The following WDR64 variants were observed in gnomAD, a reference collection of about 807,000 sequenced individuals.
WDR64 encodes WD repeat domain 64.
Under a neutral mutation model 139.3 loss-of-function variants are expected in WDR64, and 112 were observed. The observed-to-expected ratio is 0.80, with a 90% CI of 0.69 to 0.94. The LOEUF (loss-of-function observed/expected upper bound fraction) is 0.94. Ranked by LOEUF, WDR64 falls within the 40% of genes least tolerant of loss-of-function variation. WDR64 has a pLI of 0.00. For synonymous variants in WDR64, 444 were observed against 437.7 expected (o/e 1.01, Z -0.18); for missense variants, 1,206 against 1,293.1 (o/e 0.93, Z 1.03).
At chr1:241,708,703 TG>T (rs752834585) in intron 8 of WDR64, among the ~76,000 whole-genome samples, 47,133 of 99,344 alleles carry the variant, frequency 0.47, 12,920 homozygotes, top group African/African-American at 0.54. Context: ...TTTTTTTTTT[TG>T]TTTTTTTGTT....
chr1:241,655,105 C>T (rs1322929343), intron 1 of WDR64, among the ~76,000 whole-genome samples: 2 of 152,206 alleles, frequency 1.3e-5, no homozygotes, highest in African/African-American at 2.4e-5. Context: ...GTCTTCTTGG[C>T]CAGGCGCGGT....
intron 2 of WDR64, among the ~76,000 whole-genome samples, chr1:241,662,287 T>C (rs1343647992): frequency 6.6e-6 from 1 of 152,182 alleles, no homozygotes; most frequent in Non-Finnish European, 1.5e-5. Flanking sequence ...ATCATAAAGC[T>C]GCAATCAAGG....
chr1:241,785,897 G>T (rs1659017847), intron 23 of WDR64, among the ~76,000 whole-genome samples: 1 of 152,210 alleles, frequency 6.6e-6, no homozygotes, highest in Admixed American at 6.5e-5. Flanking sequence ...CTAAGGTTCT[G>T]TATCTGAGGC....
chr1:241,746,686 C>T (rs1327210884), intron 13 of WDR64, among the ~76,000 whole-genome samples: 1 of 151,378 alleles, frequency 6.6e-6, no homozygotes, highest in East Asian at 1.9e-4. Flanking sequence ...ATATTTGCAT[C>T]AGTTTGAATG....
intron 24 of WDR64, 53 bp from the exon 25 acceptor site, chr1:241,790,538 G>T: frequency 7.0e-7 from 1 of 1,432,030 alleles, no homozygotes; most frequent in Non-Finnish European, 9.6e-7. Context: ...TTGTTTAGTT[G>T]GCAGAGAATA....
chr1:241,676,090 T>C lies in WDR64; in HGVS notation c.483+1343T>C, dbSNP rs1457180283. 5 of 152,206 alleles carry C rather than the reference T, an allele frequency of 3.3e-5. No individual in the cohort carries two copies. The East Asian group carries it at 9.6e-4, about 29-fold the overall frequency. The allele number at this position is 152,206 out of a possible 1,614,324, so 9.4% of individuals were successfully genotyped here. ...TTTATCATAATTTTCAGTTCTTCAG[T>C]AATCTCCAGCTCAGGAAATCTTTCA... On this transcript the variant is annotated intron_variant, in intron 4 of 27. Transcript: ENST00000437684.
chr1:241,790,790 T>C (rs187596750), intron 25 of WDR64, 94 bp downstream of exon 25: 45 of 906,560 alleles, frequency 5.0e-5, no homozygotes, highest in African/African-American at 4.1e-4. Flanking sequence ...TAATATAACA[T>C]ATTAATTTTT....
intron 26 of WDR64, 59 bp from the exon 27 acceptor site, chr1:241,796,198 T>A: frequency 1.6e-6 from 2 of 1,272,022 alleles, no homozygotes; most frequent in South Asian, 2.8e-5. Flanking sequence ...AACTCCTGAA[T>A]TCATATTACA....
intron 1 of WDR64, among the ~76,000 whole-genome samples, chr1:241,658,284 G>GGTGTGTGTGTGTGTGTGTGTGT (rs56011225): frequency 6.8e-6 from 1 of 147,164 alleles, no homozygotes. Context: ...TTCAAGCAAT[G>GGTGTGTGTGTGTGTGTGTGTGT]GTGTGTGTGT....
intron 13 of WDR64, 68 bp downstream of exon 13, chr1:241,744,584 T>G (rs879289027): frequency 6.3e-7 from 1 of 1,597,598 alleles, no homozygotes; most frequent in Non-Finnish European, 8.5e-7. Flanking sequence ...AAAAACTCTT[T>G]CGTTCTTTAG....
At position 241,656,176 on chromosome 1, in the gene WDR64, C is replaced by A. The variant is rs78496213; in HGVS notation, c.145+3547C>A. On this transcript the variant is annotated intron_variant, in intron 1 of 27. Transcript: ENST00000437684. This position sits in a 1 kb window ranked among gnomAD's most constrained non-coding sequence, Gnocchi z 4.3. ...AAGAGTGAGGAGAAGGCAGAAATGT[C>A]ATCTTCACTTTTGTCAGGCTGTTAA... Among the ~76,000 whole-genome samples, 7,510 of 152,264 alleles carry A rather than the reference C, an allele frequency of 0.049. 205 individuals carry two copies. The highest frequency in any genetic ancestry group is 0.1 in the South Asian group (488 of 4,822).
intron 1 of WDR64, among the ~76,000 whole-genome samples, chr1:241,659,501 G>A (rs956271655): frequency 2.6e-5 from 4 of 151,404 alleles, no homozygotes; most frequent in South Asian, 2.1e-4. Context: ...TTCCACAATC[G>A]TTGAACTAAT....
At chr1:241,678,249 A>G (rs1389538618) in intron 5 of WDR64, 33 bp downstream of exon 5, 5 of 398,760 alleles carry the variant, frequency 1.3e-5, no homozygotes, top group Non-Finnish European at 2.2e-5. Flanking sequence ...TAATTAAGTC[A>G]AAGTTAGGGC....
chr1:241,777,564 C>A (rs919601078), intron 21 of WDR64, among the ~76,000 whole-genome samples: 2 of 144,836 alleles, frequency 1.4e-5, no homozygotes, highest in African/African-American at 2.7e-5. Flanking sequence ...ATTACAGGCA[C>A]CTGACACCAC....
At chr1:241,781,894 AT>A (rs1198203487) in intron 22 of WDR64, among the ~76,000 whole-genome samples, 2 of 152,226 alleles carry the variant, frequency 1.3e-5, no homozygotes, top group African/African-American at 4.8e-5. Flanking sequence ...ATGAAGCAAA[AT>A]GTATATCTTA....
intron 8 of WDR64, among the ~76,000 whole-genome samples, chr1:241,707,939 A>C (rs554500034): frequency 8.5e-5 from 13 of 152,074 alleles, no homozygotes; most frequent in African/African-American, 3.1e-4. Context: ...CCTCACGTCC[A>C]CAGTATATTC....
chr1:241,744,161 A>T (rs1204360067), intron 12 of WDR64, among the ~76,000 whole-genome samples: 1 of 152,212 alleles, frequency 6.6e-6, no homozygotes, highest in Non-Finnish European at 1.5e-5. Context: ...TGCCTGGAAT[A>T]GAGTCCCTGC....
At chr1:241,764,726 G>T (rs1278382575) in intron 15 of WDR64, among the ~76,000 whole-genome samples, 1 of 152,132 alleles carries the variant, frequency 6.6e-6, no homozygotes, top group Non-Finnish European at 1.5e-5. Flanking sequence ...TGGTGCAGAA[G>T]AAAATGTTCT....
intron 15 of WDR64, 85 bp from the exon 16 acceptor site, chr1:241,766,133 T>G (rs1166906026): frequency 7.6e-7 from 1 of 1,312,078 alleles, no homozygotes; most frequent in Non-Finnish European, 1.0e-6. Flanking sequence ...TTTAAGTTGA[T>G]GACAATTACA....
Sources: allele counts gnomAD v4.1 joint callset (sites outside exome capture counted in the v4.1 genomes callset), GRCh38; gene constraint gnomAD v4.1.1; non-coding constraint Gnocchi (gnomAD v3.1); transcripts MANE v1.5; gene names NCBI Gene and HGNC (gene_info 2026-07-23, HGNC 2026-07-21).